Variants in SYN3 observed in about 807,000 individuals in gnomAD.
SYN3 encodes synapsin III, also known as synapsin-3.
SYN3 carries 35 observed loss-of-function variants against 65.8 expected under a neutral mutation model. The observed-to-expected ratio is 0.53, with a 90% CI of 0.41 to 0.70. SYN3 has a LOEUF of 0.70. Among genes scored for constraint, SYN3 ranks in the 30% least tolerant of loss-of-function variants. The probability of loss-of-function intolerance (pLI) is 0.00; values close to 1 mark genes in which losing one functional copy is unlikely to be tolerated. For synonymous variants in SYN3, 270 were observed against 292.9 expected, an observed-to-expected ratio of 0.92 and a Z score of 0.80; for missense variants, 680 against 749.0, an observed-to-expected ratio of 0.91 and a Z score of 1.08.
Position 33,006,445 on chromosome 22 carries a change from G to A in SYN3, c.218C>T (p.Ala73Val). 1.2e-6 allele frequency: 2 copies of A among 1,614,192 alleles called. No individual in the cohort carries two copies. Among genetic ancestry groups the A allele is most frequent in the Non-Finnish European group, 1.7e-6 (2 of 1,180,038 alleles). The change falls in exon 2 of 14, where the codon GCC becomes GTC. Residue 73 changes from alanine (A) to valine (V), a missense_variant. Transcript: ENST00000358763. Reference protein sequence around the residue: ...LSSAMKQAPQATSGLMEPPGP... With the variant: ...LSSAMKQAPQVTSGLMEPPGP... The stretch of plus-strand genomic sequence containing the variant: ...TGGAGGCTCCATCAGTCCTGAGGTG[G>A]CCTGAGGGGCCTGCTTCATGGCACT...
At chr22:32,631,990 C>G (rs1487232577) in intron 6 of SYN3, among the ~76,000 whole-genome samples, 1 of 152,130 alleles carries the variant, frequency 6.6e-6, no homozygotes, top group Middle Eastern at 3.2e-3. Flanking sequence ...AAAAACAAGA[C>G]AGAGAGTGAA....
chr22:32,774,837 C>T (rs571263042), intron 6 of SYN3, among the ~76,000 whole-genome samples: 6 of 152,288 alleles, frequency 3.9e-5, no homozygotes, highest in East Asian at 1.9e-4. Flanking sequence ...GTGATCCACC[C>T]GCCTCGGCCT....
At chr22:32,739,808 T>C (rs2061381875) in intron 6 of SYN3, among the ~76,000 whole-genome samples, 1 of 152,230 alleles carries the variant, frequency 6.6e-6, no homozygotes, top group South Asian at 2.1e-4. Context: ...GTTACATGGC[T>C]GATGGATGCC....
At chr22:33,011,456 T>A (rs995342394) in intron 1 of SYN3, among the ~76,000 whole-genome samples, 1 of 152,216 alleles carries the variant, frequency 6.6e-6, no homozygotes, top group Non-Finnish European at 1.5e-5. Context: ...CCTTTTTATA[T>A]ATTGGTGGAT....
At chr22:32,979,121 C>T (rs769698415) in intron 3 of SYN3, among the ~76,000 whole-genome samples, 2 of 148,612 alleles carry the variant, frequency 1.3e-5, no homozygotes, top group Admixed American at 6.8e-5. Flanking sequence ...CACTTGAACT[C>T]GGGAGACAGA....
chr22:32,823,119 G>A (rs1024905835), intron 6 of SYN3, among the ~76,000 whole-genome samples: 1 of 152,178 alleles, frequency 6.6e-6, no homozygotes, highest in Non-Finnish European at 1.5e-5. Context: ...TCAGATAAAA[G>A]AACAATGGTG....
intron 8 of SYN3, among the ~76,000 whole-genome samples, chr22:32,538,813 T>C (rs886761734): frequency 1.1e-4 from 16 of 152,180 alleles, no homozygotes; most frequent in African/African-American, 3.4e-4. Flanking sequence ...CCTACACTAA[T>C]GCTCAGTAAT....
At chr22:32,572,420 CTT>C (rs1569051770) in intron 7 of SYN3, among the ~76,000 whole-genome samples, 8 of 4,470 alleles carry the variant, frequency 1.8e-3, no homozygotes, top group Non-Finnish European at 3.5e-3. Context: ...TCTTTCCTTC[CTT>C]CTTCCTTCCT....
intron 6 of SYN3, among the ~76,000 whole-genome samples, chr22:32,674,142 GAGA>G: frequency 6.6e-6 from 1 of 152,134 alleles, no homozygotes; most frequent in Non-Finnish European, 1.5e-5. Flanking sequence ...GTAGGAGAGG[GAGA>G]AGGAGAGGTC....
chr22:32,979,503 G>A (rs912222268), intron 3 of SYN3, among the ~76,000 whole-genome samples: 2 of 152,062 alleles, frequency 1.3e-5, no homozygotes, highest in Non-Finnish European at 1.5e-5. Context: ...TCTCTGACAC[G>A]GTAAGCTCAA....
intron 6 of SYN3, among the ~76,000 whole-genome samples, chr22:32,769,111 C>A (rs2045701343): frequency 6.6e-6 from 1 of 152,186 alleles, no homozygotes; most frequent in Non-Finnish European, 1.5e-5. Context: ...GGATCATTTC[C>A]ATTCATTTCA....
intron 6 of SYN3, among the ~76,000 whole-genome samples, chr22:32,758,362 C>T (rs1027997261): frequency 1.3e-5 from 2 of 151,748 alleles, no homozygotes; most frequent in Non-Finnish European, 2.9e-5. Flanking sequence ...ATTGATCCTG[C>T]GTGTGTCTGT....
intron 4 of SYN3, among the ~76,000 whole-genome samples, chr22:32,870,127 C>G (rs2048810140): frequency 6.6e-6 from 1 of 152,160 alleles, no homozygotes; most frequent in Non-Finnish European, 1.5e-5. Context: ...CTACTTTTAT[C>G]TGATTTTAAA....
intron 6 of SYN3, among the ~76,000 whole-genome samples, chr22:32,794,236 A>G (rs1163041165): frequency 6.6e-6 from 1 of 152,240 alleles, no homozygotes; most frequent in Non-Finnish European, 1.5e-5. Flanking sequence ...CACACACCAC[A>G]GCAACCTTCT....
At chr22:33,015,964 C>T (rs1229742756) in intron 1 of SYN3, among the ~76,000 whole-genome samples, 2 of 151,964 alleles carry the variant, frequency 1.3e-5, no homozygotes, top group Non-Finnish European at 2.9e-5. Flanking sequence ...GCCTCAGCCT[C>T]CCAAAGTAGC....
At chr22:32,904,528 G>A (rs1285459364) in intron 4 of SYN3, among the ~76,000 whole-genome samples, 2 of 146,688 alleles carry the variant, frequency 1.4e-5, no homozygotes, top group Admixed American at 1.4e-4. Context: ...CAAGTTTTTT[G>A]TTTTTTTTTT....
intron 6 of SYN3, among the ~76,000 whole-genome samples, chr22:32,762,118 G>A (rs2145724136): frequency 6.6e-6 from 1 of 152,386 alleles, no homozygotes; most frequent in South Asian, 2.1e-4. Flanking sequence ...CTAAGTGCAA[G>A]AGAAGGGACT....
chr22:32,971,890 C>G (rs1401721698), intron 3 of SYN3, among the ~76,000 whole-genome samples: 1 of 152,156 alleles, frequency 6.6e-6, no homozygotes, highest in Non-Finnish European at 1.5e-5. Flanking sequence ...GGCCACACAG[C>G]CGTCTCAGCA....
chr22:32,827,210 T>C (rs1042140921), intron 6 of SYN3, among the ~76,000 whole-genome samples: 1 of 152,078 alleles, frequency 6.6e-6, no homozygotes, highest in African/African-American at 2.4e-5. Context: ...TTGCGTGGAG[T>C]GTCAGCTTCT....
Sources: allele counts gnomAD v4.1 joint callset (sites outside exome capture counted in the v4.1 genomes callset), GRCh38; gene constraint gnomAD v4.1.1; transcripts MANE v1.5; gene names NCBI Gene and HGNC (gene_info 2026-07-23, HGNC 2026-07-21).